Variants in SGCZ observed in about 807,000 individuals in gnomAD.
The protein encoded by SGCZ is sarcoglycan zeta.
In SGCZ, 40 loss-of-function variants were observed where a neutral mutation model predicts 41.3. That is an observed-to-expected ratio of 0.97 (90% confidence interval 0.75 to 1.26). The LOEUF is 1.26. SGCZ is among the 50% of genes most tolerant of loss of function. The pLI, the probability that SGCZ is intolerant of heterozygous loss-of-function variation, is 0.00. For missense variants in SGCZ, 552 were observed against 369.8 expected, an observed-to-expected ratio of 1.49 and a Z score of -4.04; for synonymous variants, 206 against 137.5, an observed-to-expected ratio of 1.50 and a Z score of -3.49.
intron 1 of SGCZ, among the ~76,000 whole-genome samples, chr8:14,855,196 G>A (rs1017656614): frequency 6.6e-6 from 1 of 151,842 alleles, no homozygotes; most frequent in Middle Eastern, 3.2e-3. Context: ...GGGAATAAGG[G>A]ATGCCAACAT....
At chr8:14,279,441 C>T (rs986933852) in intron 3 of SGCZ, among the ~76,000 whole-genome samples, 5 of 151,860 alleles carry the variant, frequency 3.3e-5, no homozygotes, top group Non-Finnish European at 7.4e-5. Context: ...CTTTTTTTCC[C>T]TAGATTACAC....
At chr8:14,792,835 G>C (rs566117735) in intron 1 of SGCZ, among the ~76,000 whole-genome samples, 2 of 152,028 alleles carry the variant, frequency 1.3e-5, no homozygotes, top group South Asian at 2.1e-4. Context: ...CTAAAGATTG[G>C]AGTGTATAGG....
At chr8:14,702,738 T>TAGATAGAC (rs1809181327) in intron 1 of SGCZ, among the ~76,000 whole-genome samples, 1 of 75,568 alleles carries the variant, frequency 1.3e-5, no homozygotes, top group African/African-American at 3.2e-5. Flanking sequence ...CAATGATAGA[T>TAGATAGAC]AGATAGATAG....
chr8:15,202,801 A>C (rs1800932065), intron 1 of SGCZ, among the ~76,000 whole-genome samples: 1 of 152,106 alleles, frequency 6.6e-6, no homozygotes, highest in African/African-American at 2.4e-5. Context: ...CTCACAGAGT[A>C]AATAAAAAGC....
chr8:15,216,790 T>C (rs1801417863), intron 1 of SGCZ, among the ~76,000 whole-genome samples: 1 of 151,996 alleles, frequency 6.6e-6, no homozygotes, highest in South Asian at 2.1e-4. Flanking sequence ...AACAGAAGAC[T>C]AGAATTAGGA....
rs1804409470 is a variant in SGCZ, at chr8:14,877,491, AG to A, written c.40-322566del. On this transcript the variant is annotated intron_variant, in intron 1 of 7. Coordinates refer to ENST00000382080, the MANE Select transcript of SGCZ (RefSeq NM_139167.4). ...TGATAATTGCTTTAATTTTATTTCCAGGCAGGCATTTGATTTGTATTCCATC... is the reference window on the plus strand; with the variant it reads ...TGATAATTGCTTTAATTTTATTTCCAGCAGGCATTTGATTTGTATTCCATC... Among the ~76,000 whole-genome samples the A allele has an allele frequency of 3.9e-5, 6 of 152,182 alleles. 1 individual carries two copies. Among genetic ancestry groups the A allele is most frequent in the Admixed American group, 2.0e-4 (3 of 15,260 alleles).
At chr8:14,424,061 C>T (rs981965756) in intron 2 of SGCZ, among the ~76,000 whole-genome samples, 1 of 152,074 alleles carries the variant, frequency 6.6e-6, no homozygotes, top group Non-Finnish European at 1.5e-5. Flanking sequence ...TTAGATAGAT[C>T]TTCAGGAATA....
intron 4 of SGCZ, among the ~76,000 whole-genome samples, chr8:14,235,524 A>C (rs1453489587): frequency 2.0e-5 from 3 of 152,220 alleles, no homozygotes; most frequent in Non-Finnish European, 1.5e-5. Context: ...CGGTAACTGA[A>C]AATACTAGCA....
intron 3 of SGCZ, among the ~76,000 whole-genome samples, chr8:14,288,835 A>G (rs556405349): frequency 1.9e-3 from 296 of 152,228 alleles, no homozygotes; most frequent in African/African-American, 6.7e-3. Context: ...ACTTCTTCTT[A>G]TCTTTTGGAT....
At chr8:14,748,188 T>A (rs1799393870) in intron 1 of SGCZ, among the ~76,000 whole-genome samples, 1 of 152,130 alleles carries the variant, frequency 6.6e-6, no homozygotes, top group Non-Finnish European at 1.5e-5. Flanking sequence ...GCTGAGGTTT[T>A]TACATATATT....
chr8:15,211,217 A>C (rs1170572319), intron 1 of SGCZ, among the ~76,000 whole-genome samples: 1 of 151,830 alleles, frequency 6.6e-6, no homozygotes, highest in East Asian at 1.9e-4. Flanking sequence ...AATATAATAC[A>C]TACTCACATA....
At chr8:14,579,795 T>G (rs534739663) in intron 1 of SGCZ, among the ~76,000 whole-genome samples, 5 of 152,320 alleles carry the variant, frequency 3.3e-5, no homozygotes, top group South Asian at 4.1e-4. Flanking sequence ...TTCATAGGCA[T>G]CATAATTTTC....
At chr8:14,176,022 A>G (rs1804532078) in intron 4 of SGCZ, among the ~76,000 whole-genome samples, 1 of 152,188 alleles carries the variant, frequency 6.6e-6, no homozygotes, top group South Asian at 2.1e-4. Flanking sequence ...TTGCATCATT[A>G]TGAATGTATG....
chr8:14,220,667 G>C (rs555272006), intron 4 of SGCZ, among the ~76,000 whole-genome samples: 1 of 152,180 alleles, frequency 6.6e-6, no homozygotes, highest in East Asian at 1.9e-4. Flanking sequence ...CCTGCCTGTA[G>C]TCCCAGCTAC....
chr8:14,179,801 C>G (rs1268486418), intron 4 of SGCZ, among the ~76,000 whole-genome samples: 2 of 152,150 alleles, frequency 1.3e-5, no homozygotes, highest in Admixed American at 6.5e-5. Flanking sequence ...TATTCCTATA[C>G]TTACTGGGCT....
intron 1 of SGCZ, among the ~76,000 whole-genome samples, chr8:14,992,258 T>C (rs1802040147): frequency 2.0e-5 from 3 of 150,880 alleles, no homozygotes; most frequent in African/African-American, 7.3e-5. Context: ...TTACCCTTGC[T>C]ATTTACCTCT....
intron 1 of SGCZ, among the ~76,000 whole-genome samples, chr8:15,175,972 A>T (rs1008477836): frequency 2.6e-5 from 4 of 152,238 alleles, no homozygotes; most frequent in African/African-American, 9.6e-5. Context: ...GCTTTCAGAC[A>T]GCATTAAACA....
At chr8:14,101,924 G>T (rs55674347) in intron 7 of SGCZ, among the ~76,000 whole-genome samples, 9,480 of 151,554 alleles carry the variant, frequency 0.063, 362 homozygotes, top group Non-Finnish European at 0.086. Context: ...ACGGAGTCTC[G>T]CTCTGTCGCC....
At chr8:14,158,204 C>T (rs1292173192) in intron 5 of SGCZ, among the ~76,000 whole-genome samples, 1 of 151,926 alleles carries the variant, frequency 6.6e-6, no homozygotes. Flanking sequence ...TTGTACAGTA[C>T]AGTAGGCAGA....
Sources: gnomAD v4.1 joint callset for allele counts (sites outside exome capture counted in the v4.1 genomes callset) on GRCh38, gnomAD v4.1.1 for gene constraint, MANE v1.5 for transcripts, NCBI Gene and HGNC (gene_info 2026-07-23, HGNC 2026-07-21) for gene names.